Variants in ZNF124 observed in about 807,000 individuals in gnomAD.
The protein encoded by ZNF124 is zinc finger protein HZF-16.
In ZNF124, 25 loss-of-function variants were observed where a neutral mutation model predicts 26.6. The ratio of observed to expected loss-of-function variants is 0.94; its 90% CI spans 0.68 to 1.31. ZNF124 has a LOEUF of 1.31. ZNF124 is among the 40% of genes most tolerant of loss of function. The pLI is 0.00. For missense variants in ZNF124, 444 were observed against 422.2 expected, an observed-to-expected ratio of 1.05 and a Z score of -0.45; for synonymous variants, 129 against 133.3, an observed-to-expected ratio of 0.97 and a Z score of 0.22.
chr1:247,153,949 A>G (rs772738823), downstream of ZNF124, among the ~76,000 whole-genome samples: 5 of 152,226 alleles, frequency 3.3e-5, no homozygotes, highest in African/African-American at 4.8e-5. Flanking sequence ...ATGAGGATCT[A>G]TGGATATGCA....
At position 247,138,643 on chromosome 1, in the gene ZNF124, G is replaced by A. The variant is rs190376364; in HGVS notation, c.219-14772C>T. ...ACTAATTTAAAATGAACAATTCTCC[G>A]ATCAATCACATGGCAATTCCTTGCC... On this transcript the variant is annotated intron_variant, in intron 3 of 3. Transcript: ENST00000472531. 1.1e-3 allele frequency: 451 copies of A among 397,936 alleles called. 4 individuals carry two copies. Among genetic ancestry groups the A allele is most frequent in the African/African-American group, 8.3e-3 (404 of 48,694 alleles). The allele number at this position is 397,936 out of a possible 1,614,324, so 24.7% of individuals were successfully genotyped here. A position where few individuals can be genotyped will look rare whatever the true frequency, so the allele number is the denominator to read the frequency against.
chr1:247,138,433 CAG>C lies in ZNF124; in HGVS notation c.219-14564_219-14563del, dbSNP rs202007670. The C allele has an allele frequency of 8.9e-3, 1,924 of 216,068 alleles. 43 individuals carry two copies. The highest frequency in any genetic ancestry group is 0.046 in the African/African-American group (1,639 of 35,434). The allele number at this position is 216,068 out of a possible 1,614,324, so 13.4% of individuals were successfully genotyped here. On this transcript the variant is annotated intron_variant, in intron 3 of 3. Coordinates refer to the ZNF124 transcript ENST00000472531. ...GCTGAACATTGAGAACACATGGAAA[CAG>C]AGGGGGAACAACACACACCAGGGGC... is the stretch of plus-strand genomic sequence containing the variant.
chr1:247,159,979 C>CTTT (rs1212199135), intron 1 of ZNF124, 166 bp from the exon 2 acceptor site: 606 of 147,704 alleles, frequency 4.1e-3, no homozygotes, highest in African/African-American at 4.5e-3. Context: ...CATAGCAGTT[C>CTTT]TTTTTTTTTT....
intron 1 of ZNF124, among the ~76,000 whole-genome samples, chr1:247,167,539 C>T (rs967753488): frequency 5.9e-5 from 9 of 152,076 alleles, no homozygotes; most frequent in Non-Finnish European, 1.0e-4. Context: ...TGATTAAAAG[C>T]CCTAGAATTT....
chr1:247,166,145 C>T (rs1362639657), intron 1 of ZNF124, among the ~76,000 whole-genome samples: 1 of 152,178 alleles, frequency 6.6e-6, no homozygotes, highest in Admixed American at 6.5e-5. Context: ...TGCCACTGCA[C>T]TCCAGCCTGG....
chr1:247,132,360 C>T (rs748768376), intron 3 of ZNF124, among the ~76,000 whole-genome samples: 46 of 152,124 alleles, frequency 3.0e-4, no homozygotes, highest in Admixed American at 5.9e-4. Flanking sequence ...GCTGAAAACC[C>T]AAAAGGCCAG....
chr1:247,143,298 T>C (rs1220901174), intron 3 of ZNF124, among the ~76,000 whole-genome samples: 4 of 152,168 alleles, frequency 2.6e-5, no homozygotes, highest in Admixed American at 1.3e-4. Context: ...AAAGGATTGT[T>C]AAAGTAAATT....
chr1:247,157,445 A>G (rs780976178), intron 3 of ZNF124, 42 bp from the exon 4 acceptor site: 1 of 1,530,740 alleles, frequency 6.5e-7, no homozygotes, highest in East Asian at 2.5e-5. Context: ...TTTCACACAC[A>G]ATGCATTCAT....
Position 247,157,037 on chromosome 1 carries a change from G to T in ZNF124, c.585C>A (p.Asp195Glu). 6.2e-7 allele frequency: 1 copy of T among 1,612,592 alleles called. No individual in the cohort carries two copies. Among genetic ancestry groups the T allele is most frequent in the African/African-American group, 1.3e-5 (1 of 74,490 alleles). ...TCTCTCCAGTATGAGTTCTTTCATG[G>T]TCACGAAGGTGACTGGAACGACTGA... ...KAFSRSSHLR[D>E]HERTHTGEKP... The change falls in exon 4 of 4, where the codon GAC becomes GAA. Residue 195 changes from aspartate (D) to glutamate (E), a missense_variant. Asp to Glu is a conservative substitution (Grantham distance 45). Transcript: ENST00000543802.
In ZNF124 at chr1:247,156,270, T is replaced by C; in HGVS notation, c.*296A>G. 1 of 1,086,658 alleles carries C rather than the reference T, an allele frequency of 9.2e-7. No homozygotes were observed. Among genetic ancestry groups the C allele is most frequent in the Non-Finnish European group, 1.1e-6 (1 of 897,202 alleles). 67.3% of individuals were successfully genotyped at this position (1,086,658 alleles called of 1,614,324 possible). A position where few individuals can be genotyped will look rare whatever the true frequency, so the allele number is the denominator to read the frequency against. ...TCGATACCTTCATAAAGTTTTTCTC[T>C]AGAATGAGTTATGTTATACCATCAA... On this transcript the variant is annotated 3_prime_UTR_variant, in exon 4 of 4. Coordinates refer to ENST00000543802, the MANE Select transcript of ZNF124 (RefSeq NM_001297568.2).
At chr1:247,164,596 AAAAC>A (rs1382474420) in intron 1 of ZNF124, among the ~76,000 whole-genome samples, 5 of 151,734 alleles carry the variant, frequency 3.3e-5, no homozygotes, top group Middle Eastern at 3.4e-3. Context: ...TGGGAAAAAA[AAAAC>A]AAAACAAAAC....
At chr1:247,143,860 TAA>T (rs1672691712) in intron 3 of ZNF124, among the ~76,000 whole-genome samples, 1 of 152,196 alleles carries the variant, frequency 6.6e-6, no homozygotes, top group Non-Finnish European at 1.5e-5. Flanking sequence ...CATGAGATAC[TAA>T]GTCTCTCAGA....
downstream of ZNF124, among the ~76,000 whole-genome samples, chr1:247,153,015 T>C (rs1359293337): frequency 4.6e-5 from 7 of 151,836 alleles, no homozygotes; most frequent in South Asian, 1.0e-3. Flanking sequence ...CACCTGTAGT[T>C]CCAGCTACTC....
At chr1:247,165,175 C>T (rs557200848) in intron 1 of ZNF124, among the ~76,000 whole-genome samples, 14 of 152,174 alleles carry the variant, frequency 9.2e-5, no homozygotes, top group East Asian at 1.9e-4. Flanking sequence ...ACCGTGTTAG[C>T]GAGGATGGTC....
intron 1 of ZNF124, among the ~76,000 whole-genome samples, chr1:247,163,603 C>A (rs1673617103): frequency 6.6e-6 from 1 of 152,060 alleles, no homozygotes; most frequent in Admixed American, 6.6e-5. Context: ...GAAATGGAAT[C>A]CCTGAACAGA....
In ZNF124 at chr1:247,157,138, A is replaced by G. The variant is rs766501671; in HGVS notation, c.484T>C (p.Ser162Pro). ...CTTTTATGTCTATTAAGAGAACGGG[A>G]AAAACCTAAGGCTTTCCCACATTCC... The part of the protein sequence containing the change: ...CMECGKALGF[S>P]RSLNRHKRIH... The change falls in exon 4 of 4, where the codon TCC becomes CCC. Residue 162 changes from serine (S) to proline (P), a missense_variant. Coordinates refer to ENST00000543802, the MANE Select transcript of ZNF124 (RefSeq NM_001297568.2). The G allele has an allele frequency of 1.2e-6, 2 of 1,613,934 alleles. No homozygotes were observed. Among genetic ancestry groups the G allele is most frequent in the Non-Finnish European group, 1.7e-6 (2 of 1,179,966 alleles).
At chr1:247,166,423 G>A (rs1673782074) in intron 1 of ZNF124, among the ~76,000 whole-genome samples, 1 of 152,182 alleles carries the variant, frequency 6.6e-6, no homozygotes, top group Non-Finnish European at 1.5e-5. Flanking sequence ...TAGGTTCACT[G>A]TAGCATTATT....
chr1:247,139,446 A>G (rs1169231511), intron 3 of ZNF124, among the ~76,000 whole-genome samples: 1 of 152,086 alleles, frequency 6.6e-6, no homozygotes, highest in Non-Finnish European at 1.5e-5. Flanking sequence ...TTGCCTTCTT[A>G]TGGAGCTTGC....
rs548304923 is a variant in ZNF124 at position 247,163,714 on chromosome 1, GA to G, written c.31-3902del. 7.9e-5 allele frequency among the ~76,000 whole-genome samples: 12 copies of G among 152,244 alleles called. No homozygotes were observed. In the South Asian group the frequency reaches 2.3e-3, roughly 29 times the overall value. ...TAAATTCTACCAGATGTATTAAGAA[GA>G]GCTGGTACCATTCCTTCTGAAACTA... On this transcript the variant is annotated intron_variant, in intron 1 of 3. Transcript: ENST00000543802.
Sources: gnomAD v4.1 joint callset for allele counts (sites outside exome capture counted in the v4.1 genomes callset) on GRCh38, gnomAD v4.1.1 for gene constraint, MANE v1.5 for transcripts, NCBI Gene and HGNC (gene_info 2026-07-23, HGNC 2026-07-21) for gene names.